CALN1: variants seen among roughly 807,000 people sequenced by gnomAD.
CALN1 encodes the protein calneuron 1.
CALN1 carries 17 observed loss-of-function variants against 30.6 expected under a neutral mutation model. The ratio of observed to expected loss-of-function variants is 0.56; its 90% CI spans 0.38 to 0.83. CALN1 has a LOEUF of 0.83. CALN1 is among the 40% of genes least tolerant of loss of function. The pLI, the probability that CALN1 is intolerant of heterozygous loss-of-function variation, is 0.00. For synonymous variants in CALN1, 156 were observed against 131.4 expected (o/e 1.19, Z -1.28); for missense variants, 291 against 354.9 (o/e 0.82, Z 1.45).
intron 5 of CALN1, among the ~76,000 whole-genome samples, chr7:71,980,730 C>T (rs752546228): frequency 2.0e-4 from 30 of 152,194 alleles, no homozygotes; most frequent in African/African-American, 6.7e-4. Flanking sequence ...AGGCCAAAAA[C>T]GGAACCCAAA....
chr7:72,049,513 T>C (rs1241707514), intron 4 of CALN1, among the ~76,000 whole-genome samples: 1 of 152,078 alleles, frequency 6.6e-6, no homozygotes. Flanking sequence ...TAAGGTAGGA[T>C]TTATTTATTT....
intron 2 of CALN1, among the ~76,000 whole-genome samples, chr7:72,381,909 T>C (rs1447234051): frequency 1.3e-5 from 2 of 152,066 alleles, no homozygotes; most frequent in East Asian, 1.9e-4. Context: ...GCCAAACCCA[T>C]AGAAGAGAGG....
intron 4 of CALN1, among the ~76,000 whole-genome samples, chr7:72,097,305 TA>T (rs952280891): frequency 6.6e-6 from 1 of 151,796 alleles, no homozygotes; most frequent in South Asian, 2.1e-4. Flanking sequence ...ACTTAAAGTG[TA>T]AAAAAAAGAA....
rs993756192 is a variant in CALN1 at position 72,377,480 on chromosome 7, T to C, written c.119+25771A>G. 5.9e-5 allele frequency among the ~76,000 whole-genome samples: 9 copies of C among 151,620 alleles called. 1 individual carries two copies. Among genetic ancestry groups the C allele is most frequent in the Admixed American group, 5.9e-4 (9 of 15,184 alleles). The stretch of plus-strand genomic sequence containing the variant: ...GTGTGTGTGTGTGTGTGTGTTTGCA[T>C]GTATTATAATTTTTTATTGAATGCT... On this transcript the variant is annotated intron_variant, in intron 2 of 6. Coordinates refer to ENST00000395275, the MANE Select transcript of CALN1 (RefSeq NM_031468.4).
intron 3 of CALN1, among the ~76,000 whole-genome samples, chr7:72,118,878 G>GC (rs1808182999): frequency 6.6e-6 from 1 of 152,192 alleles, no homozygotes; most frequent in Non-Finnish European, 1.5e-5. Context: ...ATCAACAGCT[G>GC]CAAGTCCAGA....
chr7:72,010,513 A>G (rs1487534129), intron 5 of CALN1, among the ~76,000 whole-genome samples: 2 of 152,164 alleles, frequency 1.3e-5, no homozygotes, highest in African/African-American at 4.8e-5. Context: ...GGTTAGAAAC[A>G]TTTAATGAAA....
At chr7:72,373,364 A>C (rs1804361921) in intron 2 of CALN1, among the ~76,000 whole-genome samples, 1 of 152,228 alleles carries the variant, frequency 6.6e-6, no homozygotes, top group African/African-American at 2.4e-5. Flanking sequence ...AAAACTTTTC[A>C]AATTTTGCAA....
chr7:72,433,047 G>A (rs73366903), intron 1 of CALN1, among the ~76,000 whole-genome samples: 18,545 of 152,108 alleles, frequency 0.12, 1,665 homozygotes, highest in African/African-American at 0.25. Flanking sequence ...AGGCTCAAGC[G>A]CAGAAAAGGA....
chr7:72,287,446 T>G (rs1308787798), intron 2 of CALN1, among the ~76,000 whole-genome samples: 3 of 129,190 alleles, frequency 2.3e-5, no homozygotes, highest in Non-Finnish European at 3.3e-5. Context: ...TTTTTTTTTT[T>G]TTTTTTTTTT....
At chr7:72,316,865 A>C (rs989341574) in intron 2 of CALN1, among the ~76,000 whole-genome samples, 5 of 151,740 alleles carry the variant, frequency 3.3e-5, no homozygotes, top group African/African-American at 1.2e-4. Flanking sequence ...GGATCACTTG[A>C]GCTCAGGAGT....
chr7:72,027,962 G>A (rs1158110105), intron 4 of CALN1, among the ~76,000 whole-genome samples: 6 of 149,800 alleles, frequency 4.0e-5, no homozygotes, highest in Non-Finnish European at 7.4e-5. Context: ...GGGAGGCTGA[G>A]GCAGGAGAAT....
At chr7:72,070,800 G>A (rs1359409400) in intron 4 of CALN1, among the ~76,000 whole-genome samples, 1 of 152,142 alleles carries the variant, frequency 6.6e-6, no homozygotes, top group Non-Finnish European at 1.5e-5. Context: ...ACCAAACTTT[G>A]CAGTTTTTAT....
At chr7:72,358,600 C>T (rs1803379789) in intron 2 of CALN1, among the ~76,000 whole-genome samples, 1 of 152,124 alleles carries the variant, frequency 6.6e-6, no homozygotes, top group Non-Finnish European at 1.5e-5. Flanking sequence ...AAGAAAAGCG[C>T]AATTTGTGAA....
chr7:72,124,284 A>G (rs536837608), intron 3 of CALN1, among the ~76,000 whole-genome samples: 1 of 152,352 alleles, frequency 6.6e-6, no homozygotes, highest in South Asian at 2.1e-4. Context: ...ATGAACAGTT[A>G]AGAACTTGGA....
At chr7:72,035,814 T>C (rs1396974875) in intron 4 of CALN1, among the ~76,000 whole-genome samples, 1 of 152,194 alleles carries the variant, frequency 6.6e-6, no homozygotes, top group Non-Finnish European at 1.5e-5. Flanking sequence ...AACCACAAAC[T>C]AGTAATTTTT....
intron 5 of CALN1, among the ~76,000 whole-genome samples, chr7:71,981,806 C>T (rs1480831189): frequency 2.0e-5 from 3 of 152,154 alleles, no homozygotes; most frequent in South Asian, 2.1e-4. Flanking sequence ...GAAGGACTCC[C>T]GGCTTGTGTC....
At chr7:72,359,578 A>G (rs747978617) in intron 2 of CALN1, among the ~76,000 whole-genome samples, 1 of 151,850 alleles carries the variant, frequency 6.6e-6, no homozygotes, top group Non-Finnish European at 1.5e-5. Context: ...CAGTGAAGAT[A>G]ACAACACATG....
intron 5 of CALN1, among the ~76,000 whole-genome samples, chr7:71,955,963 G>C (rs1796939097): frequency 6.7e-6 from 1 of 150,136 alleles, no homozygotes; most frequent in Non-Finnish European, 1.5e-5. Context: ...AACCGAGATA[G>C]TATAGACTGG....
At chr7:71,984,221 G>C (rs895862478) in intron 5 of CALN1, among the ~76,000 whole-genome samples, 1 of 152,074 alleles carries the variant, frequency 6.6e-6, no homozygotes, top group East Asian at 1.9e-4. Flanking sequence ...GAGTGAGGGG[G>C]GAACAGGCAG....
Sources: allele counts gnomAD v4.1 joint callset (sites outside exome capture counted in the v4.1 genomes callset), GRCh38; gene constraint gnomAD v4.1.1; transcripts MANE v1.5; gene names NCBI Gene and HGNC (gene_info 2026-07-23, HGNC 2026-07-21).